The following WWOX variants were observed in gnomAD, a reference collection of about 807,000 sequenced individuals.
WWOX encodes WW domain-containing oxidoreductase.
WWOX carries 69 observed loss-of-function variants against 46.2 expected under a neutral mutation model. The ratio of observed to expected loss-of-function variants is 1.49; its 90% CI spans 1.23 to 1.82. The LOEUF is 1.82. WWOX is among the 40% of genes most tolerant of loss of function. The probability of loss-of-function intolerance (pLI) is 0.00; values close to 1 mark genes in which losing one functional copy is unlikely to be tolerated. For synonymous variants in WWOX, 359 were observed against 202.6 expected (o/e 1.77, Z -6.56); for missense variants, 919 against 542.6 (o/e 1.69, Z -6.89).
At chr16:79,032,416 C>T (rs1321899984) in intron 8 of WWOX, among the ~76,000 whole-genome samples, 1 of 145,572 alleles carries the variant, frequency 6.9e-6, no homozygotes, top group East Asian at 2.0e-4. Context: ...GAATATGTTA[C>T]ATATTATGTT....
At chr16:78,829,166 A>G (rs764103258) in intron 8 of WWOX, among the ~76,000 whole-genome samples, 6 of 152,196 alleles carry the variant, frequency 3.9e-5, no homozygotes, top group Non-Finnish European at 8.8e-5. Context: ...ACAGATAGCT[A>G]GACAGATGGA....
At chr16:78,924,085 G>A (rs1020347022) in intron 8 of WWOX, among the ~76,000 whole-genome samples, 1 of 152,000 alleles carries the variant, frequency 6.6e-6, no homozygotes, top group African/African-American at 2.4e-5. Flanking sequence ...CCAAAGTGCT[G>A]GGATTACAGA....
rs1300615627 is a variant in WWOX, at chr16:78,523,874, A to C, written c.1056+91122A>C. ...TAGTGCAGCTAGGAGCTAGAGTTTT[A>C]GGATGAAGAAATTACAGGTAAGAAC... On this transcript the variant is annotated intron_variant, in intron 8 of 8. Coordinates refer to ENST00000566780, the MANE Select transcript of WWOX (RefSeq NM_016373.4). Among the ~76,000 whole-genome samples, 4 of 152,252 alleles carry C rather than the reference A, an allele frequency of 2.6e-5. No homozygotes were observed. In the East Asian group the frequency reaches 7.7e-4, roughly 29 times the overall value.
At chr16:78,774,401 A>G (rs1464802424) in intron 8 of WWOX, among the ~76,000 whole-genome samples, 2 of 152,136 alleles carry the variant, frequency 1.3e-5, no homozygotes, top group East Asian at 1.9e-4. Context: ...CAATGTCTCA[A>G]AAAAAAAGAA....
At chr16:78,705,612 A>C (rs1355796394) in intron 8 of WWOX, among the ~76,000 whole-genome samples, 1 of 152,226 alleles carries the variant, frequency 6.6e-6, no homozygotes, top group Non-Finnish European at 1.5e-5. Flanking sequence ...TTAAAGTAAC[A>C]GAAAAGGACT....
chr16:78,132,490 C>T lies in WWOX; in HGVS notation c.409+17336C>T, dbSNP rs542655784. On this transcript the variant is annotated intron_variant, in intron 4 of 8. Transcript: ENST00000566780. ...TGCTTCTTCTGTAATTTATATTAAT[C>T]ACGCTTCCATTGCTTGCCTTTTGTT... 4.6e-5 allele frequency among the ~76,000 whole-genome samples: 7 copies of T among 152,300 alleles called. No homozygotes were observed. The South Asian group carries it at 1.4e-3, about 32-fold the overall frequency.
chr16:78,999,845 AC>A (rs1470690727), intron 8 of WWOX, among the ~76,000 whole-genome samples: 10 of 152,140 alleles, frequency 6.6e-5, no homozygotes, highest in Admixed American at 6.5e-4. Flanking sequence ...TGGCACTTGT[AC>A]CCTTGAAATA....
chr16:78,797,257 T>C (rs1330450748), intron 8 of WWOX, among the ~76,000 whole-genome samples: 1 of 148,266 alleles, frequency 6.7e-6, no homozygotes, highest in East Asian at 2.0e-4. Flanking sequence ...AGACATGATC[T>C]CAAGTCAGCC....
chr16:78,601,387 C>G (rs976930906), intron 8 of WWOX, among the ~76,000 whole-genome samples: 2 of 150,204 alleles, frequency 1.3e-5, no homozygotes, highest in African/African-American at 4.9e-5. Flanking sequence ...AGAGGAGGTT[C>G]AGGGCAACTG....
At chr16:78,910,616 A>C (rs1263277064) in intron 8 of WWOX, among the ~76,000 whole-genome samples, 1 of 151,978 alleles carries the variant, frequency 6.6e-6, no homozygotes, top group Non-Finnish European at 1.5e-5. Context: ...TAATGGACTC[A>C]CAATTCCACA....
intron 8 of WWOX, among the ~76,000 whole-genome samples, chr16:79,139,561 G>A (rs2050048462): frequency 6.6e-6 from 1 of 152,138 alleles, no homozygotes; most frequent in South Asian, 2.1e-4. Flanking sequence ...TCGAGCTGTG[G>A]AAGTCACGTG....
intron 8 of WWOX, among the ~76,000 whole-genome samples, chr16:78,998,602 T>C (rs2047035100): frequency 6.6e-6 from 1 of 152,220 alleles, no homozygotes; most frequent in African/African-American, 2.4e-5. Context: ...ACTCAATTTC[T>C]TAGTATATAC....
At chr16:78,376,812 T>TC (rs1484816543) in intron 5 of WWOX, among the ~76,000 whole-genome samples, 2 of 152,222 alleles carry the variant, frequency 1.3e-5, no homozygotes, top group African/African-American at 4.8e-5. Flanking sequence ...CACTGGGCTA[T>TC]CAGGGTATAG....
chr16:79,046,490 C>G (rs976147316), intron 8 of WWOX, among the ~76,000 whole-genome samples: 5 of 152,184 alleles, frequency 3.3e-5, no homozygotes, highest in African/African-American at 1.2e-4. Flanking sequence ...GGAAGGTTCA[C>G]TGTCTGGTGA....
intron 5 of WWOX, among the ~76,000 whole-genome samples, chr16:78,176,162 G>A (rs1481084551): frequency 4.6e-5 from 7 of 152,126 alleles, no homozygotes; most frequent in East Asian, 3.8e-4. Flanking sequence ...CCTGCCCTCC[G>A]AGTTCCACTG....
intron 8 of WWOX, among the ~76,000 whole-genome samples, chr16:78,935,613 G>A (rs1041477104): frequency 7.0e-6 from 1 of 142,840 alleles, no homozygotes; most frequent in Admixed American, 6.9e-5. Context: ...TCGTGGGCTG[G>A]GGGGAGGGGA....
intron 8 of WWOX, among the ~76,000 whole-genome samples, chr16:78,875,906 C>T (rs1288421891): frequency 6.6e-6 from 1 of 152,172 alleles, no homozygotes; most frequent in African/African-American, 2.4e-5. Flanking sequence ...AATTCTTTCT[C>T]CTGATACCAT....
At chr16:78,957,709 A>C (rs915433634) in intron 8 of WWOX, among the ~76,000 whole-genome samples, 2 of 152,146 alleles carry the variant, frequency 1.3e-5, no homozygotes, top group African/African-American at 4.8e-5. Context: ...ATGTATGTGA[A>C]CCTCTCCGTT....
chr16:78,393,902 A>C (rs1303255504), intron 6 of WWOX, among the ~76,000 whole-genome samples: 2 of 152,154 alleles, frequency 1.3e-5, no homozygotes, highest in Non-Finnish European at 2.9e-5. Context: ...CTTCTTAAAC[A>C]TATGGGAGGA....
Sources: allele counts gnomAD v4.1 joint callset (sites outside exome capture counted in the v4.1 genomes callset), GRCh38; gene constraint gnomAD v4.1.1; transcripts MANE v1.5; gene names NCBI Gene and HGNC (gene_info 2026-07-23, HGNC 2026-07-21).